The following LY75 variants were observed in gnomAD, a reference collection of about 807,000 sequenced individuals.
The protein encoded by LY75 is C-type lectin domain family 13 member B.
Under a neutral mutation model 231.7 loss-of-function variants are expected in LY75, and 185 were observed. That is an observed-to-expected ratio of 0.80 (90% CI 0.71 to 0.90). The LOEUF (loss-of-function observed/expected upper bound fraction) is 0.90, where lower values mean the gene tolerates loss of function less well. LY75 is among the 40% of genes least tolerant of loss of function. The pLI is 0.00. For missense variants in LY75, 1,947 were observed against 2,050.2 expected, an observed-to-expected ratio of 0.95 and a Z score of 0.97; for synonymous variants, 668 against 689.0, an observed-to-expected ratio of 0.97 and a Z score of 0.48.
chr2:159,808,461 G>T lies in LY75; in HGVS notation c.4810C>A (p.Gln1604Lys). Reference protein sequence around the residue: ...ITMRVWLGLSQHSVDQSWSWL... With the variant: ...ITMRVWLGLSKHSVDQSWSWL... ...TTATTTCACTTACCAACAGAATGTT[G>T]AGATAATCCAAGCCAAACTCTCATG... is the stretch of plus-strand genomic sequence containing the variant. The change falls in exon 33 of 35, where the codon CAA becomes AAA. Residue 1604 changes from glutamine to lysine, a missense_variant. Gln to Lys is a moderately conservative substitution (Grantham distance 53, BLOSUM62 1). Transcript: ENST00000263636. The T allele has an allele frequency of 6.2e-7, 1 of 1,613,824 alleles. No individual in the cohort carries two copies. Among genetic ancestry groups the T allele is most frequent in the Non-Finnish European group, 8.5e-7 (1 of 1,179,904 alleles).
chr2:159,804,896 TG>T lies in LY75; in HGVS notation c.*147del. On this transcript the variant is annotated 3_prime_UTR_variant, in exon 35 of 35. Coordinates refer to ENST00000263636, the MANE Select transcript of LY75 (RefSeq NM_002349.4). ...ATGGCATTTAGCAGGGAATTAACTG[TG>T]GATACCAGCACATGCCTAAGATCTA... is the stretch of plus-strand genomic sequence containing the variant. The T allele has an allele frequency of 1.7e-6, 1 of 587,380 alleles. No individual in the cohort carries two copies. Among genetic ancestry groups the T allele is most frequent in the Non-Finnish European group, 3.0e-6 (1 of 338,354 alleles). The allele number at this position is 587,380 out of a possible 1,614,324, so 36.4% of individuals were successfully genotyped here.
At chr2:159,881,348 T>A in intron 7 of LY75, 108 bp from the exon 8 acceptor site, 1 of 1,294,178 alleles carries the variant, frequency 7.7e-7, no homozygotes, top group Admixed American at 2.6e-5. Flanking sequence ...AGAGCCTTTG[T>A]AGTATTCTTA....
chr2:159,854,949 G>A lies in LY75; in HGVS notation c.2384-10C>T. 2 of 1,613,734 alleles carry A rather than the reference G, an allele frequency of 1.2e-6. No homozygotes were observed. Among genetic ancestry groups the A allele is most frequent in the Non-Finnish European group, 1.7e-6 (2 of 1,179,816 alleles). On this transcript the variant is annotated splice_polypyrimidine_tract_variant and intron_variant, in intron 16 of 34. Coordinates refer to ENST00000263636, the MANE Select transcript of LY75 (RefSeq NM_002349.4). ...GTTTTTGGAGTACGGCCTGTATGAG[G>A]AAGAAAGCAAGTGGCATTAGTATTC...
intron 1 of LY75, 30 bp from the exon 2 acceptor site, chr2:159,899,089 T>TTA (rs1213240979): frequency 1.3e-6 from 2 of 1,596,830 alleles, no homozygotes; most frequent in East Asian, 4.5e-5. Flanking sequence ...AGATTGTAGA[T>TTA]TATGTGGTTG....
chr2:159,878,312 T>G lies in LY75; in HGVS notation c.1774+12A>C. 1 of 1,612,936 alleles carries G rather than the reference T, an allele frequency of 6.2e-7. No individual in the cohort carries two copies. The highest frequency in any genetic ancestry group is 8.5e-7 in the Non-Finnish European group (1 of 1,179,498). Reference sequence around the variant, plus strand: ...CACAGTATACTACTACTTCAAAGATTAAGACACTCACCTGGCTCAAGAAAA... The same window carrying G: ...CACAGTATACTACTACTTCAAAGATGAAGACACTCACCTGGCTCAAGAAAA... On this transcript the variant is annotated intron_variant, in intron 11 of 34. Coordinates refer to ENST00000263636, the MANE Select transcript of LY75 (RefSeq NM_002349.4).
At chr2:159,849,282 AG>A (rs1684308853) in intron 23 of LY75, among the ~76,000 whole-genome samples, 2 of 152,316 alleles carry the variant, frequency 1.3e-5, no homozygotes, top group African/African-American at 4.8e-5. Flanking sequence ...TTTGTGCAAA[AG>A]GTAATCTGCA....
chr2:159,817,600 G>A (rs990706858), intron 29 of LY75, among the ~76,000 whole-genome samples: 1 of 152,048 alleles, frequency 6.6e-6, no homozygotes, highest in African/African-American at 2.4e-5. Flanking sequence ...ATAATCCAAA[G>A]TATAAAATAA....
chr2:159,877,450 TTTAAA>T (rs1685310383), intron 11 of LY75, among the ~76,000 whole-genome samples: 1 of 152,234 alleles, frequency 6.6e-6, no homozygotes, highest in South Asian at 2.1e-4. Flanking sequence ...TAAATCACCT[TTTAAA>T]GTCTCTGTTT....
chr2:159,819,740 C>G lies in LY75; in HGVS notation c.4139G>C (p.Cys1380Ser), dbSNP rs769560356. The G allele has an allele frequency of 6.2e-7, 1 of 1,608,766 alleles. No individual in the cohort carries two copies. Among genetic ancestry groups the G allele is most frequent in the South Asian group, 1.1e-5 (1 of 90,184 alleles). ...VYFHQHSILA[C>S]KIEMVDYKEE... ...ACTATACTTACCCATTTCAATTTTA[C>G]AAGCAAGAATGCTGTGCTGGTGAAA... Residue 1380 changes from cysteine to serine, a missense_variant, in exon 29 of 35, where the codon TGT becomes TCT. Transcript: ENST00000263636.
intron 15 of LY75, among the ~76,000 whole-genome samples, chr2:159,859,306 T>C (rs1265400235): frequency 6.6e-6 from 1 of 152,214 alleles, no homozygotes; most frequent in African/African-American, 2.4e-5. Context: ...AACAGTGCTT[T>C]CCTGTGGTTT....
At chr2:159,826,617 A>C (rs1258478235) in intron 28 of LY75, among the ~76,000 whole-genome samples, 2 of 152,214 alleles carry the variant, frequency 1.3e-5, no homozygotes, top group African/African-American at 4.8e-5. Context: ...TTTAAACTTC[A>C]TATGGAACCA....
At chr2:159,873,779 T>C (rs1270333707) in intron 12 of LY75, among the ~76,000 whole-genome samples, 7 of 104,754 alleles carry the variant, frequency 6.7e-5, no homozygotes, top group Non-Finnish European at 1.4e-4. Context: ...ATACATTTTG[T>C]AAAAATATAC....
At chr2:159,852,451 T>C in intron 20 of LY75, 111 bp from the exon 21 acceptor site, 1 of 1,449,562 alleles carries the variant, frequency 6.9e-7, no homozygotes, top group Non-Finnish European at 9.2e-7. Context: ...AGAGTCTCGC[T>C]CTGTTGCCCG....
chr2:159,823,163 C>T lies in LY75; in HGVS notation c.3959-3243G>A, dbSNP rs1683353019. ...TACAAACTGCTCCGAGCTAAAGGAGCATGTTCTAACCCAATGCAAGGAAGC... is the reference window on the plus strand; with the variant it reads ...TACAAACTGCTCCGAGCTAAAGGAGTATGTTCTAACCCAATGCAAGGAAGC... On this transcript the variant is annotated intron_variant, in intron 28 of 34. Coordinates refer to ENST00000263636, the MANE Select transcript of LY75 (RefSeq NM_002349.4). Among the ~76,000 whole-genome samples the T allele has an allele frequency of 2.6e-5, 4 of 152,070 alleles. No individual in the cohort carries two copies. The South Asian group carries it at 8.3e-4, about 31-fold the overall frequency.
chr2:159,816,613 T>G, intron 30 of LY75, among the ~76,000 whole-genome samples, 193 bp downstream of exon 30: 2 of 152,306 alleles, frequency 1.3e-5, no homozygotes, highest in Middle Eastern at 6.8e-3. Flanking sequence ...GGCCTGATCA[T>G]TTGTCCTAGT....
chr2:159,904,609 G>C lies in LY75; in HGVS notation c.74C>G (p.Ala25Gly). ...LMLLFWFFDL[A>G]EPSGRAANDP... ...GTTACCTGCGCGGCCAGAGGGCTCC[G>C]CGAGATCGAAGAACCAGAAGAGCAG... is the stretch of plus-strand genomic sequence containing the variant. Residue 25 changes from alanine (A) to glycine (G), a missense_variant, in exon 1 of 35, where the codon GCG becomes GGG. Transcript: ENST00000263636. 1 of 1,509,106 alleles carries C rather than the reference G, an allele frequency of 6.6e-7. No homozygotes were observed. Among genetic ancestry groups the C allele is most frequent in the East Asian group, 2.8e-5 (1 of 35,174 alleles). The allele number at this position is 1,509,106 out of a possible 1,614,324, so 93.5% of individuals were successfully genotyped here. A position where few individuals can be genotyped will look rare whatever the true frequency, so the allele number is the denominator to read the frequency against.
intron 16 of LY75, among the ~76,000 whole-genome samples, chr2:159,855,404 T>C (rs989653755): frequency 1.4e-4 from 22 of 152,228 alleles, no homozygotes; most frequent in African/African-American, 4.8e-4. Flanking sequence ...TAGAGTTCAT[T>C]GTCTTCCAAG....
chr2:159,883,953 A>G (rs1332207506), intron 6 of LY75, among the ~76,000 whole-genome samples: 1 of 152,144 alleles, frequency 6.6e-6, no homozygotes, highest in East Asian at 1.9e-4. Context: ...TCCCCTTGAT[A>G]TGGTTTGGCT....
rs9287793 is a variant in LY75, at chr2:159,899,202, G to T, written c.95-143C>A. 34,938 of 1,452,658 alleles carry T rather than the reference G, an allele frequency of 0.024. 2,521 individuals are homozygous for T. In the African/African-American group the frequency reaches 0.25, roughly 10 times the overall value. 90.0% of individuals were successfully genotyped at this position (1,452,658 alleles called of 1,614,324 possible). On this transcript the variant is annotated intron_variant, in intron 1 of 34. Transcript: ENST00000263636. ...TTTTAAGCTGCAGGGGACTACAAAA[G>T]GTGGGACAGTGGTGAGCAGAGAGGC... is the stretch of plus-strand genomic sequence containing the variant.
Sources: allele counts gnomAD v4.1 joint callset (sites outside exome capture counted in the v4.1 genomes callset), GRCh38; gene constraint gnomAD v4.1.1; transcripts MANE v1.5; gene names NCBI Gene and HGNC (gene_info 2026-07-23, HGNC 2026-07-21).